Variants in VEPH1 observed in about 807,000 individuals in gnomAD.
VEPH1 encodes ventricular zone-expressed PH domain-containing protein homolog 1.
A neutral mutation model predicts 85.2 loss-of-function variants in VEPH1; 80 were observed. The observed-to-expected ratio is 0.94, with a 90% CI of 0.78 to 1.13. The LOEUF (loss-of-function observed/expected upper bound fraction) is 1.13, where lower values mean the gene tolerates loss of function less well. Among genes scored for constraint, VEPH1 ranks in the 50% most tolerant of loss-of-function variants. VEPH1 has a pLI of 0.00. For synonymous variants in VEPH1, 297 were observed against 348.0 expected (o/e 0.85, Z 1.63); for missense variants, 955 against 980.5 (o/e 0.97, Z 0.35).
chr3:157,502,853 T>C (rs1049253201), intron 1 of VEPH1, among the ~76,000 whole-genome samples: 1 of 152,216 alleles, frequency 6.6e-6, no homozygotes, highest in African/African-American at 2.4e-5. Flanking sequence ...CTGACTGTAA[T>C]GATGCTATAA....
At chr3:157,426,246 T>C (rs930332204) in intron 5 of VEPH1, among the ~76,000 whole-genome samples, 3 of 152,248 alleles carry the variant, frequency 2.0e-5, no homozygotes, top group African/African-American at 7.2e-5. Flanking sequence ...TCTGTCTGTG[T>C]ATCCTCCAGT....
intron 9 of VEPH1, among the ~76,000 whole-genome samples, chr3:157,331,008 C>T (rs919894172): frequency 8.5e-5 from 13 of 152,286 alleles, no homozygotes; most frequent in South Asian, 6.2e-4. Flanking sequence ...CTCTCCTATC[C>T]GGAGATTGGC....
At position 157,363,625 on chromosome 3, in the gene VEPH1, G is replaced by C; in HGVS notation, c.1474C>G (p.Leu492Val). ...IDPLGQGNDKLPFKTDTERSQ... is the reference protein window; with the variant it reads ...IDPLGQGNDKVPFKTDTERSQ... ...CTCTCAGTGTCTGTCTTAAACGGCA[G>C]CTTGTCATTTCCTTGGCCAAGTGGG... Residue 492 changes from leucine (L) to valine (V), a missense_variant, in exon 9 of 14, where the codon CTG (leucine) becomes GTG (valine). Physicochemically the swap from Leu to Val is conservative, Grantham distance 32 (BLOSUM62 1). Transcript: ENST00000362010. 1 of 1,614,110 alleles carries C rather than the reference G, an allele frequency of 6.2e-7. No homozygotes were observed. Among genetic ancestry groups the C allele is most frequent in the South Asian group, 1.1e-5 (1 of 91,068 alleles).
At chr3:157,277,533 T>C (rs1334220122) in intron 12 of VEPH1, among the ~76,000 whole-genome samples, 1 of 152,224 alleles carries the variant, frequency 6.6e-6, no homozygotes, top group East Asian at 1.9e-4. Context: ...CCTACACCAC[T>C]TTTATGGAAT....
chr3:157,427,704 C>T (rs564471717), intron 5 of VEPH1, among the ~76,000 whole-genome samples: 1 of 152,222 alleles, frequency 6.6e-6, no homozygotes, highest in Non-Finnish European at 1.5e-5. Flanking sequence ...ATTCACCCAC[C>T]TCAGCCTCCC....
intron 7 of VEPH1, among the ~76,000 whole-genome samples, chr3:157,379,752 C>T (rs1728554217): frequency 6.6e-6 from 1 of 152,326 alleles, no homozygotes; most frequent in African/African-American, 2.4e-5. Context: ...GCCCCACCCT[C>T]CTCCATAACT....
At chr3:157,438,838 T>C (rs1397383787) in intron 4 of VEPH1, among the ~76,000 whole-genome samples, 1 of 152,246 alleles carries the variant, frequency 6.6e-6, no homozygotes, top group Non-Finnish European at 1.5e-5. Context: ...GAAATGGTGG[T>C]GTGACAATCA....
At chr3:157,281,235 G>A (rs140009048) in intron 12 of VEPH1, among the ~76,000 whole-genome samples, 1 of 152,030 alleles carries the variant, frequency 6.6e-6, no homozygotes, top group African/African-American at 2.4e-5. Flanking sequence ...TGGAAGATGG[G>A]GAAAGGGAGA....
chr3:157,386,172 G>C (rs1729265168), intron 6 of VEPH1, among the ~76,000 whole-genome samples: 1 of 130,502 alleles, frequency 7.7e-6, no homozygotes, highest in Non-Finnish European at 1.5e-5. Context: ...TCATTTTCTG[G>C]ATAATGTCTA....
At chr3:157,442,483 A>G in intron 4 of VEPH1, 1 of 1,614,212 alleles carries the variant, frequency 6.2e-7, no homozygotes, top group Non-Finnish European at 8.5e-7. Context: ...AAAGCCACAG[A>G]TGTATTAAAC....
intron 11 of VEPH1, among the ~76,000 whole-genome samples, chr3:157,289,851 AT>A (rs971094307): frequency 1.3e-5 from 2 of 152,138 alleles, no homozygotes; most frequent in African/African-American, 4.8e-5. Context: ...CTGTCTGAGT[AT>A]TTTTCAGTTC....
At chr3:157,452,381 G>A (rs914563009) in intron 4 of VEPH1, among the ~76,000 whole-genome samples, 5 of 152,192 alleles carry the variant, frequency 3.3e-5, no homozygotes, top group South Asian at 2.1e-4. Flanking sequence ...TTTGTCATGT[G>A]AAAGAGGAAC....
chr3:157,281,467 C>T lies in VEPH1; in HGVS notation c.2128+5090G>A, dbSNP rs561851597. On this transcript the variant is annotated intron_variant, in intron 12 of 13. Transcript: ENST00000362010. ...CCAACACTTAGCACGTAGGACAGTG[C>T]TCTAACACATGTGGTAGAAGAAAAG... Among the ~76,000 whole-genome samples the T allele has an allele frequency of 5.9e-5, 9 of 152,204 alleles. No homozygotes were observed. The East Asian group carries it at 1.7e-3, about 29-fold the overall frequency.
At chr3:157,435,711 C>T (rs1389209953) in intron 4 of VEPH1, among the ~76,000 whole-genome samples, 1 of 152,198 alleles carries the variant, frequency 6.6e-6, no homozygotes, top group Non-Finnish European at 1.5e-5. Flanking sequence ...ATCTTTGGCT[C>T]CGGGATTTTC....
chr3:157,474,747 A>G (rs903132331), intron 2 of VEPH1, among the ~76,000 whole-genome samples: 5 of 152,140 alleles, frequency 3.3e-5, no homozygotes, highest in African/African-American at 1.2e-4. Flanking sequence ...AAAGAGGATT[A>G]GTTTTGACTC....
At chr3:157,351,827 T>C (rs1222448132) in intron 9 of VEPH1, among the ~76,000 whole-genome samples, 1 of 152,222 alleles carries the variant, frequency 6.6e-6, no homozygotes, top group East Asian at 1.9e-4. Context: ...ATTAATTCTT[T>C]GTTTTGGGGT....
At chr3:157,378,419 G>T (rs1158869870) in intron 7 of VEPH1, among the ~76,000 whole-genome samples, 1 of 146,854 alleles carries the variant, frequency 6.8e-6, no homozygotes, top group African/African-American at 2.5e-5. Context: ...AAAACCTGGA[G>T]ACATTTTTGG....
At chr3:157,270,459 A>G (rs944702328) in intron 12 of VEPH1, among the ~76,000 whole-genome samples, 8 of 152,148 alleles carry the variant, frequency 5.3e-5, no homozygotes, top group African/African-American at 1.9e-4. Flanking sequence ...GTGTTTGTCA[A>G]CTTAAAAGTT....
At chr3:157,349,476 ATTAGGATGCCTAC>A in intron 9 of VEPH1, among the ~76,000 whole-genome samples, 1 of 152,348 alleles carries the variant, frequency 6.6e-6, no homozygotes, top group South Asian at 2.1e-4. Context: ...CTGGAACAGG[ATTAGGATGCCTAC>A]TCTCCCCAAT....
Sources: gnomAD v4.1 joint callset for allele counts (sites outside exome capture counted in the v4.1 genomes callset) on GRCh38, gnomAD v4.1.1 for gene constraint, MANE v1.5 for transcripts, NCBI Gene and HGNC (gene_info 2026-07-23, HGNC 2026-07-21) for gene names.